GPM6A: variants seen among roughly 807,000 people sequenced by gnomAD.
GPM6A encodes the protein neuronal membrane glycoprotein M6-a.
A neutral mutation model predicts 32.1 loss-of-function variants in GPM6A; 7 were observed. The observed-to-expected ratio is 0.22, with a 90% CI of 0.12 to 0.41. GPM6A has a LOEUF of 0.41. Ranked by LOEUF, GPM6A falls within the 10% of genes least tolerant of loss-of-function variation. The probability of loss-of-function intolerance (pLI) is 1.00; values close to 1 mark genes in which losing one functional copy is unlikely to be tolerated. For missense variants in GPM6A, 235 were observed against 347.2 expected (o/e 0.68, Z 2.57); for synonymous variants, 130 against 123.4 (o/e 1.05, Z -0.35).
intron 1 of GPM6A, among the ~76,000 whole-genome samples, chr4:175,718,151 T>G (rs1217155890): frequency 6.6e-6 from 1 of 152,246 alleles, no homozygotes; most frequent in Non-Finnish European, 1.5e-5. Context: ...AGTGTTTATA[T>G]GTATCTTTGC....
intron 3 of GPM6A, among the ~76,000 whole-genome samples, chr4:175,670,071 T>G (rs1206460727): frequency 1.3e-5 from 2 of 151,998 alleles, no homozygotes; most frequent in Non-Finnish European, 2.9e-5. Flanking sequence ...TGTGAGACAA[T>G]GAATTTCTGT....
At chr4:175,854,783 G>C (rs1277278423) in intron 1 of GPM6A, among the ~76,000 whole-genome samples, 1 of 152,180 alleles carries the variant, frequency 6.6e-6, no homozygotes. Flanking sequence ...GAAGTGTGGA[G>C]ATCCACAGAG....
At chr4:175,742,420 A>G (rs1731924294) in intron 1 of GPM6A, among the ~76,000 whole-genome samples, 2 of 152,168 alleles carry the variant, frequency 1.3e-5, no homozygotes, top group South Asian at 4.1e-4. Flanking sequence ...GAGCAATAAT[A>G]CATGGGCTTA....
Position 175,653,603 on chromosome 4 carries a change from A to C in GPM6A, c.388-1616T>G, listed in dbSNP as rs551645224. Among the ~76,000 whole-genome samples, 11 of 152,280 alleles carry C rather than the reference A, an allele frequency of 7.2e-5. No homozygotes were observed. In the South Asian group the frequency reaches 1.7e-3, roughly 23 times the overall value. ...CGAAGGAAGGAGAGTAACTATCATA[A>C]AAAAGGTATTCTTTTTTAAAATAAT... On this transcript the variant is annotated intron_variant, in intron 3 of 6. Transcript: ENST00000393658.
chr4:175,942,300 C>A lies in GPM6A; in HGVS notation c.-23+60009G>T, dbSNP rs1490732024. The stretch of plus-strand genomic sequence containing the variant: ...ATTCCTTTGTCAGATGGAGAGATGG[C>A]AAAAATTTTCTCCCATTCTGTAGGT... On this transcript the variant is annotated intron_variant, in intron 1 of 7. Coordinates refer to the GPM6A transcript ENST00000280187. Among the ~76,000 whole-genome samples the A allele has an allele frequency of 4.6e-5, 7 of 152,100 alleles. No individual in the cohort carries two copies. The East Asian group carries it at 1.3e-3, about 29-fold the overall frequency.
chr4:175,864,072 T>C (rs1419983556), intron 1 of GPM6A, among the ~76,000 whole-genome samples: 3 of 152,208 alleles, frequency 2.0e-5, no homozygotes, highest in African/African-American at 7.2e-5. Context: ...ACTTTTTAAA[T>C]GTTGACCTTC....
intron 4 of GPM6A, among the ~76,000 whole-genome samples, chr4:175,644,996 A>T (rs1297689756): frequency 6.6e-6 from 1 of 152,080 alleles, no homozygotes; most frequent in East Asian, 1.9e-4. Context: ...GCTACTTGGG[A>T]GGCTAAGGCA....
chr4:175,994,226 T>C (rs183478932), intron 1 of GPM6A, among the ~76,000 whole-genome samples: 41 of 152,296 alleles, frequency 2.7e-4, no homozygotes, highest in African/African-American at 9.4e-4. Flanking sequence ...GAAGGCTGAT[T>C]AGTGACTGAT....
At chr4:175,890,715 A>C (rs1052336096) in intron 1 of GPM6A, among the ~76,000 whole-genome samples, 1 of 151,764 alleles carries the variant, frequency 6.6e-6, no homozygotes, top group Non-Finnish European at 1.5e-5. Context: ...AATCAAACCC[A>C]GCTAATCTTT....
chr4:175,636,607 C>A (rs1740631270), intron 6 of GPM6A, among the ~76,000 whole-genome samples: 1 of 149,994 alleles, frequency 6.7e-6, no homozygotes, highest in African/African-American at 2.4e-5. Context: ...ACCAGTCTGG[C>A]CAACATAGTG....
intron 1 of GPM6A, among the ~76,000 whole-genome samples, chr4:175,973,910 C>A (rs539852102): frequency 6.6e-6 from 1 of 152,150 alleles, no homozygotes; most frequent in East Asian, 1.9e-4. Flanking sequence ...TTTAACTCAT[C>A]ATTTTTGGTT....
chr4:175,860,636 C>T (rs568441323), intron 1 of GPM6A, among the ~76,000 whole-genome samples: 10 of 152,300 alleles, frequency 6.6e-5, no homozygotes, highest in Admixed American at 5.2e-4. Context: ...ATGGTCTATG[C>T]TGTCAATTTA....
chr4:175,793,576 A>G (rs368014296), intron 1 of GPM6A, among the ~76,000 whole-genome samples: 59 of 152,132 alleles, frequency 3.9e-4, no homozygotes, highest in African/African-American at 1.2e-3. Flanking sequence ...GGGTTTCGCT[A>G]TGTTGGCCAG....
intron 1 of GPM6A, among the ~76,000 whole-genome samples, chr4:175,850,385 A>G (rs1391952344): frequency 6.6e-6 from 1 of 152,214 alleles, no homozygotes; most frequent in Non-Finnish European, 1.5e-5. Flanking sequence ...TAGGAAAACA[A>G]AATCGTGGAT....
intron 1 of GPM6A, among the ~76,000 whole-genome samples, chr4:175,775,434 G>T (rs1560926532): frequency 2.0e-5 from 3 of 152,044 alleles, no homozygotes; most frequent in Non-Finnish European, 4.4e-5. Context: ...TGGATGTGAG[G>T]AATGTTGTTT....
intron 1 of GPM6A, among the ~76,000 whole-genome samples, chr4:175,927,376 T>C (rs1347227999): frequency 6.6e-6 from 1 of 152,260 alleles, no homozygotes; most frequent in African/African-American, 2.4e-5. Flanking sequence ...GAGTAGCTAG[T>C]ACATGTTAAA....
In GPM6A at chr4:175,647,552, G is replaced by A. The variant is rs187663150; in HGVS notation, c.541+4282C>T. On this transcript the variant is annotated intron_variant, in intron 4 of 6. Coordinates refer to ENST00000393658, the MANE Select transcript of GPM6A (RefSeq NM_201591.3). ...AAATGCATAAATTTATTACATGCAT[G>A]GGAATGAACAGTAAGATGTATACCT... 1.2e-4 allele frequency among the ~76,000 whole-genome samples: 18 copies of A among 152,186 alleles called. No homozygotes were observed. The East Asian group carries it at 3.5e-3, about 29-fold the overall frequency.
intron 6 of GPM6A, among the ~76,000 whole-genome samples, chr4:175,637,704 ATT>A (rs1491226226): frequency 8.9e-4 from 2 of 2,258 alleles, no homozygotes; most frequent in Non-Finnish European, 2.4e-3. Flanking sequence ...TATATTATAT[ATT>A]ATATATATTT....
intron 2 of GPM6A, among the ~76,000 whole-genome samples, chr4:175,683,888 G>A (rs1743823672): frequency 6.6e-6 from 1 of 151,714 alleles, no homozygotes; most frequent in Non-Finnish European, 1.5e-5. Context: ...TTGGAGTGCA[G>A]TGATGTGATC....
Sources: allele counts gnomAD v4.1 joint callset (sites outside exome capture counted in the v4.1 genomes callset), GRCh38; gene constraint gnomAD v4.1.1; transcripts MANE v1.5; gene names NCBI Gene and HGNC (gene_info 2026-07-23, HGNC 2026-07-21).